Variants in ATP8B1 observed in about 807,000 individuals in gnomAD.
ATP8B1 encodes phospholipid-transporting ATPase IC.
ATP8B1 carries 80 observed loss-of-function variants against 149.9 expected under a neutral mutation model. That is an observed-to-expected ratio of 0.53 (90% CI 0.45 to 0.64). The LOEUF is 0.64. Ranked by LOEUF, ATP8B1 falls within the 30% of genes least tolerant of loss-of-function variation. The probability of loss-of-function intolerance (pLI) is 0.00; values close to 1 mark genes in which losing one functional copy is unlikely to be tolerated. For missense variants in ATP8B1, 1,247 were observed against 1,552.6 expected (o/e 0.80, Z 3.31); for synonymous variants, 536 against 562.8 (o/e 0.95, Z 0.67).
chr18:57,676,713 A>T (rs1453267414), intron 15 of ATP8B1, among the ~76,000 whole-genome samples: 1 of 49,212 alleles, frequency 2.0e-5, no homozygotes, highest in African/African-American at 6.5e-5. Flanking sequence ...CCGAGACTCC[A>T]TTTCAAAAAA....
chr18:57,679,958 C>T (rs576305851), intron 15 of ATP8B1, among the ~76,000 whole-genome samples: 1 of 151,932 alleles, frequency 6.6e-6, no homozygotes. Context: ...AATCACTGCA[C>T]CCGGCTCACT....
chr18:57,783,111 C>A (rs1186210739), intron 1 of ATP8B1, among the ~76,000 whole-genome samples: 2 of 151,996 alleles, frequency 1.3e-5, no homozygotes, highest in Non-Finnish European at 2.9e-5. Flanking sequence ...CGGTGCCCGG[C>A]CTAGTTTGTC....
intron 20 of ATP8B1, among the ~76,000 whole-genome samples, chr18:57,666,365 C>A (rs1262801925): frequency 2.6e-5 from 4 of 152,078 alleles, no homozygotes; most frequent in Non-Finnish European, 4.4e-5. Flanking sequence ...CATGATGTAA[C>A]CCACCCACAC....
intron 12 of ATP8B1, among the ~76,000 whole-genome samples, chr18:57,689,437 A>G (rs1393724598): frequency 6.6e-6 from 1 of 152,226 alleles, no homozygotes; most frequent in Non-Finnish European, 1.5e-5. Context: ...AAGGGACATT[A>G]CCTATCTCAG....
intron 16 of ATP8B1, among the ~76,000 whole-genome samples, chr18:57,672,016 C>T (rs1000963221): frequency 2.0e-5 from 3 of 152,192 alleles, no homozygotes; most frequent in Non-Finnish European, 4.4e-5. Context: ...ATCAGTTCCT[C>T]TAGAAAAGTG....
chr18:57,779,486 T>G (rs1222073703), intron 1 of ATP8B1, among the ~76,000 whole-genome samples: 1 of 152,216 alleles, frequency 6.6e-6, no homozygotes, highest in Non-Finnish European at 1.5e-5. Context: ...AAATTAACCT[T>G]TGAAATCCAA....
chr18:57,663,457 G>A (rs951245745), intron 20 of ATP8B1, among the ~76,000 whole-genome samples: 9 of 152,138 alleles, frequency 5.9e-5, no homozygotes, highest in Admixed American at 3.3e-4. Context: ...CCAGAAGTGG[G>A]ATTGTTGCAT....
intron 17 of ATP8B1, among the ~76,000 whole-genome samples, chr18:57,669,718 C>T (rs578081326): frequency 1.2e-4 from 18 of 151,970 alleles, no homozygotes; most frequent in Non-Finnish European, 2.2e-4. Context: ...GATGCAATCC[C>T]GGCTCACTGC....
At chr18:57,797,142 A>G (rs759887436) in intron 1 of ATP8B1, among the ~76,000 whole-genome samples, 3 of 152,242 alleles carry the variant, frequency 2.0e-5, no homozygotes, top group Non-Finnish European at 4.4e-5. Flanking sequence ...TCTGATACTA[A>G]GTGAAGGACA....
At chr18:57,791,341 C>CT (rs1291043906) in intron 1 of ATP8B1, among the ~76,000 whole-genome samples, 1 of 139,462 alleles carries the variant, frequency 7.2e-6, no homozygotes, top group African/African-American at 2.8e-5. Context: ...TTTTCTTTTT[C>CT]TTTTCTTTTC....
At chr18:57,690,288 G>T (rs1912469043) in intron 12 of ATP8B1, among the ~76,000 whole-genome samples, 1 of 152,198 alleles carries the variant, frequency 6.6e-6, no homozygotes, top group African/African-American at 2.4e-5. Flanking sequence ...AGCCCAGGGA[G>T]GTGGGCTGAG....
intron 10 of ATP8B1, 63 bp from the exon 11 acceptor site, chr18:57,694,733 A>T (rs1456725060): frequency 1.2e-5 from 13 of 1,130,396 alleles, no homozygotes; most frequent in Non-Finnish European, 1.7e-5. Flanking sequence ...GCTCACCAAT[A>T]AAATTACTCT....
At chr18:57,785,770 T>G (rs1363480864) in intron 1 of ATP8B1, among the ~76,000 whole-genome samples, 2 of 152,186 alleles carry the variant, frequency 1.3e-5, no homozygotes, top group African/African-American at 4.8e-5. Context: ...CCTCCCAAAG[T>G]GTTGGGATTA....
At chr18:57,713,231 C>CTTT (rs1913806662) in intron 2 of ATP8B1, among the ~76,000 whole-genome samples, 7 of 130,634 alleles carry the variant, frequency 5.4e-5, no homozygotes, top group Admixed American at 8.0e-5. Context: ...TTCCTTCCTT[C>CTTT]CTTCCTTCCT....
intron 1 of ATP8B1, among the ~76,000 whole-genome samples, chr18:57,743,997 A>C (rs985344353): frequency 6.6e-6 from 1 of 152,160 alleles, no homozygotes. Context: ...CACTCAGTGC[A>C]TGAATCTAGC....
chr18:57,705,149 A>G (rs116402766), intron 3 of ATP8B1, among the ~76,000 whole-genome samples: 55 of 152,366 alleles, frequency 3.6e-4, no homozygotes, highest in African/African-American at 1.3e-3. Flanking sequence ...CCAAGCCTCA[A>G]AATGACTACT....
chr18:57,775,642 GTTTT>G (rs35786009), intron 1 of ATP8B1, among the ~76,000 whole-genome samples: 4 of 95,050 alleles, frequency 4.2e-5, no homozygotes, highest in Admixed American at 1.1e-4. Context: ...AACTGGCCAT[GTTTT>G]TTTTTTTTTT....
intron 21 of ATP8B1, 104 bp from the exon 22 acceptor site, chr18:57,661,566 A>G (rs1348519422): frequency 1.6e-6 from 2 of 1,246,216 alleles, no homozygotes; most frequent in Middle Eastern, 4.2e-4. Context: ...GGATTATGTC[A>G]CTGATTATAT....
chr18:57,771,886 G>A (rs2080267170), intron 1 of ATP8B1, among the ~76,000 whole-genome samples: 1 of 152,116 alleles, frequency 6.6e-6, no homozygotes, highest in African/African-American at 2.4e-5. Flanking sequence ...AAACCAGTTA[G>A]CTCTGCCTTT....
Sources: gnomAD v4.1 joint callset for allele counts (sites outside exome capture counted in the v4.1 genomes callset) on GRCh38, gnomAD v4.1.1 for gene constraint, MANE v1.5 for transcripts, NCBI Gene and HGNC (gene_info 2026-07-23, HGNC 2026-07-21) for gene names.